Variants in MRPS27 observed in about 807,000 individuals in gnomAD.
MRPS27 encodes the protein mitochondrial ribosomal protein S27.
Under a neutral mutation model 48.9 loss-of-function variants are expected in MRPS27, and 43 were observed. That is an observed-to-expected ratio of 0.88 (90% CI 0.69 to 1.13). The LOEUF (loss-of-function observed/expected upper bound fraction) is 1.13, where lower values mean the gene tolerates loss of function less well. MRPS27 is among the 50% of genes most tolerant of loss of function. The probability of loss-of-function intolerance (pLI) is 0.00; values close to 1 mark genes in which losing one functional copy is unlikely to be tolerated. For missense variants in MRPS27, 467 were observed against 476.3 expected (o/e 0.98, Z 0.18); for synonymous variants, 188 against 171.9 (o/e 1.09, Z -0.73).
chr5:72,311,886 A>G (rs1354616057), intron 2 of MRPS27, among the ~76,000 whole-genome samples: 2 of 152,318 alleles, frequency 1.3e-5, no homozygotes, highest in Middle Eastern at 6.8e-3. Flanking sequence ...TAATCCCAGC[A>G]CTTTGGGAGG....
intron 2 of MRPS27, among the ~76,000 whole-genome samples, chr5:72,308,454 C>T (rs1750342134): frequency 6.6e-6 from 1 of 152,222 alleles, no homozygotes. Context: ...ACCTCACGGC[C>T]CTCCGGCTGG....
chr5:72,285,269 A>G (rs534923828), intron 4 of MRPS27, among the ~76,000 whole-genome samples: 21 of 152,250 alleles, frequency 1.4e-4, no homozygotes, highest in African/African-American at 4.8e-4. Flanking sequence ...TCCATCTTGA[A>G]CACTTGCTCC....
intron 4 of MRPS27, among the ~76,000 whole-genome samples, chr5:72,290,674 C>A (rs750866456): frequency 3.7e-4 from 56 of 152,276 alleles, no homozygotes; most frequent in Middle Eastern, 6.8e-3. Context: ...AGGTAGGAAC[C>A]CTTTTCTCTT....
chr5:72,268,544 C>T (rs1334846648), intron 4 of MRPS27, among the ~76,000 whole-genome samples: 4 of 152,102 alleles, frequency 2.6e-5, no homozygotes, highest in South Asian at 2.1e-4. Context: ...AGCTGACAAA[C>T]AATGTTTTTA....
At position 72,220,775 on chromosome 5, in the gene MRPS27, T is replaced by G. The variant is rs536863553; in HGVS notation, c.*134A>C. 51 of 1,308,458 alleles carry G rather than the reference T, an allele frequency of 3.9e-5. No homozygotes were observed. In the African/African-American group the frequency reaches 6.5e-4, roughly 17 times the overall value. 81.1% of individuals were successfully genotyped at this position (1,308,458 alleles called of 1,614,324 possible). A position where few individuals can be genotyped will look rare whatever the true frequency, so the allele number is the denominator to read the frequency against. On this transcript the variant is annotated 3_prime_UTR_variant, in exon 11 of 11. Transcript: ENST00000261413. ...GATGGGCAGTCATGGTGCCTTGCCA[T>G]GTAGGGCACATAGCCTGCTTTAAGA...
chr5:72,309,424 C>A (rs910545623), intron 2 of MRPS27, among the ~76,000 whole-genome samples: 1 of 152,032 alleles, frequency 6.6e-6, no homozygotes, highest in Non-Finnish European at 1.5e-5. Flanking sequence ...CGCCACCACG[C>A]CCGGCTATTT....
At chr5:72,229,412 A>T (rs1315858155) in intron 7 of MRPS27, 1 of 129,044 alleles carries the variant, frequency 7.7e-6, no homozygotes. Flanking sequence ...TCAGAAGAAA[A>T]ACAACGCCCC....
At chr5:72,244,136 G>GT (rs374262396) in intron 4 of MRPS27, among the ~76,000 whole-genome samples, 56 of 149,390 alleles carry the variant, frequency 3.7e-4, no homozygotes, top group South Asian at 8.5e-4. Context: ...CTTGTGAGTA[G>GT]TTTTTTTTTT....
chr5:72,274,016 A>G (rs908394413), intron 4 of MRPS27, among the ~76,000 whole-genome samples: 1 of 151,990 alleles, frequency 6.6e-6, no homozygotes, highest in African/African-American at 2.4e-5. Flanking sequence ...TCTACTTTTA[A>G]TTTTTTTTAA....
rs767422862 is a variant in MRPS27, at chr5:72,297,664, TTCTC to T, written c.186_189del (p.Arg63SerfsTer7). ...ATTGTTAAAGAACTAACAGGCAACT[TTCTC>T]TCAAATGTTTTATCCATTAAAGATG... On this transcript the variant is annotated frameshift_variant, in exon 3 of 11. Coordinates refer to ENST00000261413, the MANE Select transcript of MRPS27 (RefSeq NM_015084.3). LOFTEE classifies it high-confidence loss of function. 6.2e-7 allele frequency: 1 copy of T among 1,603,146 alleles called. No homozygotes were observed. Among genetic ancestry groups the T allele is most frequent in the South Asian group, 1.1e-5 (1 of 88,272 alleles).
chr5:72,283,248 C>G (rs1210190781), intron 4 of MRPS27, among the ~76,000 whole-genome samples: 1 of 152,170 alleles, frequency 6.6e-6, no homozygotes, highest in Non-Finnish European at 1.5e-5. Context: ...GTACCTCCCC[C>G]ACAAGATAAT....
At chr5:72,282,282 A>C (rs1749552652) in intron 4 of MRPS27, among the ~76,000 whole-genome samples, 1 of 152,092 alleles carries the variant, frequency 6.6e-6, no homozygotes, top group Admixed American at 6.6e-5. Flanking sequence ...GTTCCCATAA[A>C]TCTCTCCTTG....
intron 4 of MRPS27, among the ~76,000 whole-genome samples, chr5:72,250,030 T>C (rs769393017): frequency 3.9e-5 from 6 of 152,154 alleles, no homozygotes; most frequent in Non-Finnish European, 8.8e-5. Context: ...ACTCCAAGTA[T>C]TTTTTGAGCA....
intron 4 of MRPS27, among the ~76,000 whole-genome samples, chr5:72,258,295 G>T (rs911491578): frequency 3.3e-5 from 5 of 152,108 alleles, no homozygotes; most frequent in Non-Finnish European, 7.4e-5. Context: ...GTGATATAAA[G>T]AAGTCTACCA....
rs1026229043 is a variant in MRPS27 at position 72,241,582 on chromosome 5, G to A, written c.282-3454C>T. The stretch of plus-strand genomic sequence containing the variant: ...TTTTAAGCAGTTCAGACAAATAAAT[G>A]TGGGGACTTTTCAACTTCCAGTAGT... On this transcript the variant is annotated intron_variant, in intron 4 of 10. Coordinates refer to ENST00000261413, the MANE Select transcript of MRPS27 (RefSeq NM_015084.3). The A allele has an allele frequency of 6.3e-6, 9 of 1,431,028 alleles. No homozygotes were observed. In the East Asian group the frequency reaches 2.2e-4, roughly 35 times the overall value. 88.6% of individuals were successfully genotyped at this position (1,431,028 alleles called of 1,614,324 possible).
chr5:72,234,035 A>G, intron 6 of MRPS27, 84 bp downstream of exon 6: 1 of 1,316,850 alleles, frequency 7.6e-7, no homozygotes, highest in Non-Finnish European at 9.8e-7. Context: ...TTAAGAAATA[A>G]AAAAGGGGAA....
chr5:72,252,604 C>T (rs572061537), intron 4 of MRPS27, among the ~76,000 whole-genome samples: 1 of 152,260 alleles, frequency 6.6e-6, no homozygotes, highest in East Asian at 1.9e-4. Context: ...AGGTGGTTTT[C>T]CCTATAGCAT....
chr5:72,220,826 G>T lies in MRPS27; in HGVS notation c.*83C>A. On this transcript the variant is annotated 3_prime_UTR_variant, in exon 11 of 11. Transcript: ENST00000261413. ...AAAGAAGATGGGTAGAGGAAGCTGA[G>T]GCTGTTGTCCAGGCCACTGCTGAGT... 6.4e-7 allele frequency: 1 copy of T among 1,552,424 alleles called. No homozygotes were observed. Among genetic ancestry groups the T allele is most frequent in the South Asian group, 1.2e-5 (1 of 80,766 alleles).
intron 2 of MRPS27, among the ~76,000 whole-genome samples, chr5:72,308,303 G>A (rs1442034326): frequency 6.6e-6 from 1 of 152,234 alleles, no homozygotes; most frequent in African/African-American, 2.4e-5. Context: ...CACGGCTCAG[G>A]GGAGACGGCG....
Sources: gnomAD v4.1 joint callset for allele counts (sites outside exome capture counted in the v4.1 genomes callset) on GRCh38, gnomAD v4.1.1 for gene constraint, MANE v1.5 for transcripts, NCBI Gene and HGNC (gene_info 2026-07-23, HGNC 2026-07-21) for gene names.